Variants in PARD3 observed in about 807,000 individuals in gnomAD.
PARD3 encodes par-3 family cell polarity regulator, also known as partitioning defective 3 homolog.
A neutral mutation model predicts 155.4 loss-of-function variants in PARD3; 75 were observed. That is an observed-to-expected ratio of 0.48 (90% CI 0.40 to 0.58). The LOEUF (loss-of-function observed/expected upper bound fraction) is 0.58, where lower values mean the gene tolerates loss of function less well. PARD3 is among the 20% of genes least tolerant of loss of function. PARD3 has a pLI of 0.00. For synonymous variants in PARD3, 576 were observed against 610.5 expected (o/e 0.94, Z 0.83); for missense variants, 1,642 against 1,721.7 (o/e 0.95, Z 0.82).
intron 2 of PARD3, among the ~76,000 whole-genome samples, chr10:34,542,790 T>C (rs537618757): frequency 6.6e-6 from 1 of 152,338 alleles, no homozygotes; most frequent in Non-Finnish European, 1.5e-5. Context: ...TCATACAATT[T>C]TAAAAAGATG....
At chr10:34,175,048 G>A (rs1949973011) in intron 22 of PARD3, among the ~76,000 whole-genome samples, 1 of 151,996 alleles carries the variant, frequency 6.6e-6, no homozygotes. Flanking sequence ...TATCTAGAAT[G>A]GGGAAGTTTT....
At chr10:34,203,052 C>T (rs1951294934) in intron 22 of PARD3, among the ~76,000 whole-genome samples, 1 of 150,728 alleles carries the variant, frequency 6.6e-6, no homozygotes, top group African/African-American at 2.5e-5. Flanking sequence ...CACTCCAGCA[C>T]CCTGGCCCCA....
intron 2 of PARD3, among the ~76,000 whole-genome samples, chr10:34,521,128 A>T (rs1589862981): frequency 6.6e-6 from 1 of 152,340 alleles, no homozygotes; most frequent in East Asian, 1.9e-4. Context: ...TAAATGCCAC[A>T]TGATGGAAGA....
chr10:34,733,563 G>A (rs545764098), intron 1 of PARD3, among the ~76,000 whole-genome samples: 43 of 152,202 alleles, frequency 2.8e-4, no homozygotes, highest in Middle Eastern at 6.8e-3. Context: ...GGCTCACCAC[G>A]AACTCCTCCT....
chr10:34,335,062 A>C (rs1836017994), intron 18 of PARD3, among the ~76,000 whole-genome samples: 2 of 151,916 alleles, frequency 1.3e-5, no homozygotes, highest in Non-Finnish European at 2.9e-5. Context: ...GCTAACTGTA[A>C]AAACTAACTA....
chr10:34,306,731 A>C (rs1251284023), intron 20 of PARD3, among the ~76,000 whole-genome samples: 1 of 152,230 alleles, frequency 6.6e-6, no homozygotes, highest in Non-Finnish European at 1.5e-5. Flanking sequence ...CTGTGTGTGC[A>C]GTCACAGGTA....
At chr10:34,252,541 G>A (rs1358527657) in intron 22 of PARD3, among the ~76,000 whole-genome samples, 1 of 152,116 alleles carries the variant, frequency 6.6e-6, no homozygotes, top group Admixed American at 6.5e-5. Context: ...GCACACACCT[G>A]TCTCTACAGT....
At chr10:34,443,997 A>C (rs1047732243) in intron 5 of PARD3, among the ~76,000 whole-genome samples, 3 of 145,452 alleles carry the variant, frequency 2.1e-5, no homozygotes, top group Non-Finnish European at 3.0e-5. Context: ...ACAAACATTT[A>C]AGTCAGTTTT....
At chr10:34,304,821 A>G (rs528876655) in intron 20 of PARD3, among the ~76,000 whole-genome samples, 5 of 152,222 alleles carry the variant, frequency 3.3e-5, no homozygotes, top group Non-Finnish European at 7.3e-5. Context: ...TCAACATGCA[A>G]TGAATGAATG....
chr10:34,518,914 A>G (rs566897128), intron 2 of PARD3, among the ~76,000 whole-genome samples: 1 of 152,322 alleles, frequency 6.6e-6, no homozygotes, highest in South Asian at 2.1e-4. Context: ...CCACTGCTGT[A>G]CCCAGGTTAA....
intron 15 of PARD3, among the ~76,000 whole-genome samples, chr10:34,347,657 A>G (rs1837570427): frequency 6.6e-6 from 1 of 152,298 alleles, no homozygotes; most frequent in East Asian, 1.9e-4. Context: ...AGCTTCACAT[A>G]TTATCTCAAG....
At chr10:34,421,482 G>GT (rs1554853407) in intron 5 of PARD3, among the ~76,000 whole-genome samples, 22 of 150,048 alleles carry the variant, frequency 1.5e-4, no homozygotes, top group Middle Eastern at 3.5e-3. Context: ...GAGCATCCAT[G>GT]TTTTTTTTTC....
rs1358640964 is a variant in PARD3, at chr10:34,666,796, A to AAAAAAAAAAT, written c.222+29521_222+29522insATTTTTTTTT. ...TCCCCCTAAAAAAAAAAAAAAAAAA[A>AAAAAAAAAAT]ATATATATATATATATATATACACA... On this transcript the variant is annotated intron_variant, in intron 2 of 24. Coordinates refer to ENST00000374788, the MANE Select transcript of PARD3 (RefSeq NM_001184785.2). 8.3e-3 allele frequency among the ~76,000 whole-genome samples: 555 copies of AAAAAAAAAAT among 66,766 alleles called. 22 individuals carry two copies. Among genetic ancestry groups the AAAAAAAAAAT allele is most frequent in the Non-Finnish European group, 0.012 (421 of 34,988 alleles). The allele number at this position is 66,766 out of a possible 152,430, so 43.8% of individuals were successfully genotyped here. A position where few individuals can be genotyped will look rare whatever the true frequency, so the allele number is the denominator to read the frequency against.
At chr10:34,449,498 G>A (rs562761978) in intron 5 of PARD3, among the ~76,000 whole-genome samples, 50 of 150,424 alleles carry the variant, frequency 3.3e-4, no homozygotes, top group African/African-American at 1.2e-3. Flanking sequence ...TATACCTAAC[G>A]CTAAATGACG....
chr10:34,569,426 TA>T (rs1202215183), intron 2 of PARD3, among the ~76,000 whole-genome samples: 2 of 152,182 alleles, frequency 1.3e-5, no homozygotes, highest in Non-Finnish European at 2.9e-5. Flanking sequence ...TATATATATA[TA>T]TTTTTTTGGA....
chr10:34,145,221 A>ATATATTTTTT (rs1491430560), intron 22 of PARD3, among the ~76,000 whole-genome samples: 2 of 33,972 alleles, frequency 5.9e-5, no homozygotes, highest in Non-Finnish European at 5.0e-5. Flanking sequence ...ATATATATAT[A>ATATATTTTTT]TTTTTTTTTT....
At chr10:34,408,217 A>AC (rs140376978) in intron 5 of PARD3, among the ~76,000 whole-genome samples, 39,584 of 118,352 alleles carry the variant, frequency 0.33, 5,495 homozygotes, top group South Asian at 0.49. Flanking sequence ...TAGAAAGCAC[A>AC]AAAAAAAAAT....
chr10:34,697,774 C>CACACACACAT (rs2094202838), intron 1 of PARD3, among the ~76,000 whole-genome samples: 1 of 150,304 alleles, frequency 6.7e-6, no homozygotes, highest in Admixed American at 6.6e-5. Flanking sequence ...CAAACACTCA[C>CACACACACAT]ACACACACAC....
At chr10:34,399,579 G>C (rs1002354236) in intron 6 of PARD3, among the ~76,000 whole-genome samples, 166 bp from the exon 7 acceptor site, 4 of 152,118 alleles carry the variant, frequency 2.6e-5, no homozygotes, top group African/African-American at 9.7e-5. Context: ...ACATATTCTG[G>C]AATATAAGCA....
Sources: allele counts gnomAD v4.1 joint callset (sites outside exome capture counted in the v4.1 genomes callset), GRCh38; gene constraint gnomAD v4.1.1; transcripts MANE v1.5; gene names NCBI Gene and HGNC (gene_info 2026-07-23, HGNC 2026-07-21).